The following DNAH6 variants were observed in gnomAD, a reference collection of about 807,000 sequenced individuals.
DNAH6 encodes axonemal beta dynein heavy chain 6.
Under a neutral mutation model 491.4 loss-of-function variants are expected in DNAH6, and 340 were observed. The observed-to-expected ratio is 0.69, with a 90% CI of 0.63 to 0.76. DNAH6 has a LOEUF of 0.76. Ranked by LOEUF, DNAH6 falls within the 30% of genes least tolerant of loss-of-function variation. The pLI is 0.00. For synonymous variants in DNAH6, 1,603 were observed against 1,686.1 expected, an observed-to-expected ratio of 0.95 and a Z score of 1.21; for missense variants, 4,443 against 4,972.2, an observed-to-expected ratio of 0.89 and a Z score of 3.20.
intron 11 of DNAH6, among the ~76,000 whole-genome samples, chr2:84,570,440 G>A (rs1216099534): frequency 3.3e-5 from 5 of 152,176 alleles, no homozygotes; most frequent in Admixed American, 2.6e-4. Context: ...TCTAGCTAAA[G>A]GAATGTAAAT....
chr2:84,764,141 G>A (rs1451252268), intron 64 of DNAH6, among the ~76,000 whole-genome samples: 1 of 152,142 alleles, frequency 6.6e-6, no homozygotes, highest in Non-Finnish European at 1.5e-5. Context: ...CCAGAATAAT[G>A]TTTGACCAAA....
At chr2:84,466,859 T>G in the DNAH6 span, among the ~76,000 whole-genome samples, 1 of 152,236 alleles carries the variant, frequency 6.6e-6, no homozygotes, top group Non-Finnish European at 1.5e-5. Flanking sequence ...TTTGGTTACC[T>G]CTGTGGCATA....
chr2:84,483,747 G>C, the DNAH6 span, among the ~76,000 whole-genome samples: 1 of 152,134 alleles, frequency 6.6e-6, no homozygotes, highest in East Asian at 1.9e-4. Flanking sequence ...ATGCCTAATG[G>C]TGACATTTCC....
chr2:84,580,234 A>T (rs545401656), intron 14 of DNAH6, among the ~76,000 whole-genome samples: 4 of 152,216 alleles, frequency 2.6e-5, no homozygotes, highest in African/African-American at 9.6e-5. Context: ...GGAGGTGGGG[A>T]GAAAAAAGTG....
chr2:84,466,708 C>A, the DNAH6 span, among the ~76,000 whole-genome samples: 1 of 152,230 alleles, frequency 6.6e-6, no homozygotes, highest in African/African-American at 2.4e-5. Context: ...TATCAGAAAA[C>A]CTGCATTTAA....
chr2:84,786,119 AATGAATG>A, intron 67 of DNAH6, among the ~76,000 whole-genome samples: 1 of 152,108 alleles, frequency 6.6e-6, no homozygotes, highest in African/African-American at 2.4e-5. Flanking sequence ...TGAATGAATG[AATGAATG>A]AATGAATGAA....
chr2:84,621,144 A>T, intron 24 of DNAH6, 47 bp from the exon 25 acceptor site: 8 of 1,540,480 alleles, frequency 5.2e-6, no homozygotes, highest in Non-Finnish European at 6.1e-6. Context: ...CATACAGCTT[A>T]CAAGTCCCAC....
the DNAH6 span, among the ~76,000 whole-genome samples, chr2:84,461,667 G>A: frequency 6.6e-6 from 1 of 152,172 alleles, no homozygotes; most frequent in African/African-American, 2.4e-5. Context: ...GTACCAAATA[G>A]TCGATAATGG....
chr2:84,772,828 A>G (rs1675761421), intron 64 of DNAH6, among the ~76,000 whole-genome samples: 1 of 152,056 alleles, frequency 6.6e-6, no homozygotes, highest in South Asian at 2.1e-4. Context: ...ACTGTACCCA[A>G]CAATATCAGA....
the DNAH6 span, among the ~76,000 whole-genome samples, chr2:84,491,127 C>G: frequency 1.3e-5 from 2 of 152,170 alleles, no homozygotes; most frequent in Non-Finnish European, 2.9e-5. Context: ...ATCTAGGAAA[C>G]TGTCCAGGAG....
chr2:84,545,110 T>G lies in DNAH6; in HGVS notation c.930+610T>G, dbSNP rs562444063. 1.6e-4 allele frequency among the ~76,000 whole-genome samples: 24 copies of G among 152,292 alleles called. No homozygotes were observed. In the East Asian group the frequency reaches 4.2e-3, roughly 27 times the overall value. On this transcript the variant is annotated intron_variant, in intron 5 of 76. Coordinates refer to ENST00000389394, the MANE Select transcript of DNAH6 (RefSeq NM_001370.2). ...CCTAGGAATAAACTGCAATCATCATTACTGTCACACTCAGAGTTCTGGTCC... is the reference window on the plus strand; with the variant it reads ...CCTAGGAATAAACTGCAATCATCATGACTGTCACACTCAGAGTTCTGGTCC...
At chr2:84,500,105 C>G in the DNAH6 span, among the ~76,000 whole-genome samples, 1 of 152,108 alleles carries the variant, frequency 6.6e-6, no homozygotes, top group East Asian at 1.9e-4. Context: ...ATGTTTTTTC[C>G]GAGACCAATG....
chr2:84,705,544 T>C lies in DNAH6; in HGVS notation c.8524T>C (p.Leu2842=). The change falls in exon 52 of 77, where the codon TTA becomes CTA. Residue 2842 remains leucine, a synonymous_variant. Coordinates refer to ENST00000389394, the MANE Select transcript of DNAH6 (RefSeq NM_001370.2). ...LGDSNFLKRL[L]EYDKENIKPQ... ...TGACTCTAACTTTCTAAAAAGGCTT[T>C]TAGAATATGATAAGGAGAACATAAA... The C allele has an allele frequency of 6.4e-7, 1 of 1,551,402 alleles. No homozygotes were observed. The highest frequency in any genetic ancestry group is 8.7e-7 in the Non-Finnish European group (1 of 1,146,884).
intron 59 of DNAH6, 72 bp downstream of exon 59, chr2:84,718,456 C>T: frequency 7.9e-7 from 1 of 1,266,668 alleles, no homozygotes; most frequent in Admixed American, 3.5e-5. Context: ...CTTTGAGGGT[C>T]CTGCAAGGGC....
intron 40 of DNAH6, among the ~76,000 whole-genome samples, chr2:84,676,002 A>G (rs968497679): frequency 1.3e-5 from 2 of 152,212 alleles, no homozygotes; most frequent in African/African-American, 4.8e-5. Context: ...AAGACGGAAT[A>G]GGTGGCATGT....
chr2:84,683,177 ATG>A (rs1400940449), intron 42 of DNAH6, among the ~76,000 whole-genome samples: 1 of 152,092 alleles, frequency 6.6e-6, no homozygotes, highest in Non-Finnish European at 1.5e-5. Flanking sequence ...CTCTGCATAT[ATG>A]TGTGTTCATG....
the DNAH6 span, among the ~76,000 whole-genome samples, chr2:84,507,456 G>A: frequency 3.3e-5 from 5 of 152,338 alleles, no homozygotes; most frequent in East Asian, 9.6e-4. Flanking sequence ...TCAGCTTAAG[G>A]AGATTTTGGG....
chr2:84,700,338 A>G (rs1486351111), intron 48 of DNAH6, among the ~76,000 whole-genome samples: 1 of 152,162 alleles, frequency 6.6e-6, no homozygotes, highest in African/African-American at 2.4e-5. Flanking sequence ...GAGGCAGAAT[A>G]TATGAGCACA....
intron 60 of DNAH6, 50 bp from the exon 61 acceptor site, chr2:84,727,619 G>A: frequency 8.2e-7 from 1 of 1,214,710 alleles, no homozygotes; most frequent in Non-Finnish European, 1.2e-6. Flanking sequence ...TTTGTTCTCT[G>A]CAGAGAATGA....
Sources: gnomAD v4.1 joint callset for allele counts (sites outside exome capture counted in the v4.1 genomes callset) on GRCh38, gnomAD v4.1.1 for gene constraint, MANE v1.5 for transcripts, NCBI Gene and HGNC (gene_info 2026-07-23, HGNC 2026-07-21) for gene names.